B3GALT1: variants seen among roughly 807,000 people sequenced by gnomAD.
B3GALT1 encodes UDP-Gal:betaGlcNAc beta 1,3-galactosyltransferase, polypeptide 1.
Under a neutral mutation model 23.2 loss-of-function variants are expected in B3GALT1, and 10 were observed. That is an observed-to-expected ratio of 0.43 (90% CI 0.27 to 0.73). B3GALT1 has a LOEUF of 0.73. Ranked by LOEUF, B3GALT1 falls within the 30% of genes least tolerant of loss-of-function variation. The pLI, the probability that B3GALT1 is intolerant of heterozygous loss-of-function variation, is 0.21. For missense variants in B3GALT1, 299 were observed against 405.4 expected (o/e 0.74, Z 2.25); for synonymous variants, 156 against 141.5 (o/e 1.10, Z -0.73).
At chr2:167,462,969 T>C (rs1347990549) in intron 1 of B3GALT1, among the ~76,000 whole-genome samples, 1 of 152,110 alleles carries the variant, frequency 6.6e-6, no homozygotes, top group Non-Finnish European at 1.5e-5. Context: ...CTCAGAGTTT[T>C]TGAGATTGTT....
chr2:167,484,067 A>AAAG (rs1459261129), intron 1 of B3GALT1, among the ~76,000 whole-genome samples: 1 of 152,198 alleles, frequency 6.6e-6, no homozygotes, highest in Non-Finnish European at 1.5e-5. Context: ...TTCAGATATA[A>AAAG]ACATAAGCAA....
intron 2 of B3GALT1, among the ~76,000 whole-genome samples, chr2:167,630,604 T>C (rs111348727): frequency 2.5e-3 from 375 of 151,656 alleles, no homozygotes; most frequent in African/African-American, 8.6e-3. Context: ...TGTCATGATA[T>C]CTGCAGTTTA....
intron 2 of B3GALT1, among the ~76,000 whole-genome samples, chr2:167,516,391 T>C (rs186412314): frequency 1.6e-4 from 24 of 152,150 alleles, no homozygotes; most frequent in Admixed American, 1.5e-3. Context: ...TTTGCTTAAG[T>C]TTTTTATTTC....
intron 1 of B3GALT1, among the ~76,000 whole-genome samples, chr2:167,383,144 G>C (rs1023269225): frequency 3.3e-5 from 5 of 150,316 alleles, no homozygotes; most frequent in Admixed American, 6.6e-5. Context: ...TTTAAAGTTG[G>C]ATTTGATTCC....
At chr2:167,783,759 G>T (rs554169075) in intron 3 of B3GALT1, among the ~76,000 whole-genome samples, 1 of 152,124 alleles carries the variant, frequency 6.6e-6, no homozygotes. Flanking sequence ...AGCTAATCTC[G>T]GTTTCAAATG....
chr2:167,709,528 A>G (rs1033281302), intron 3 of B3GALT1, among the ~76,000 whole-genome samples: 1 of 152,196 alleles, frequency 6.6e-6, no homozygotes, highest in African/African-American at 2.4e-5. Context: ...TTGTTTGGGA[A>G]GATGTACTAA....
intron 1 of B3GALT1, among the ~76,000 whole-genome samples, chr2:167,399,579 T>C (rs1015268965): frequency 6.6e-6 from 1 of 152,114 alleles, no homozygotes; most frequent in Non-Finnish European, 1.5e-5. Context: ...TCCCAAGTTT[T>C]TTATTTTTGT....
Position 167,511,464 on chromosome 2 carries a change from T to C in B3GALT1, c.-410+21187T>C, listed in dbSNP as rs182280292. Among the ~76,000 whole-genome samples, 950 of 152,308 alleles carry C rather than the reference T, an allele frequency of 6.2e-3. 15 individuals are homozygous for C. Among genetic ancestry groups the C allele is most frequent in the African/African-American group, 0.022 (913 of 41,568 alleles). ...GATGTGTTTGCTTCCCTTTTCACCA[T>C]GATTGTAAGTTTCCTGAGGCCTCCT... On this transcript the variant is annotated intron_variant, in intron 2 of 4. Transcript: ENST00000392690.
intron 2 of B3GALT1, among the ~76,000 whole-genome samples, chr2:167,579,262 T>C (rs930198342): frequency 3.3e-5 from 5 of 152,010 alleles, no homozygotes; most frequent in African/African-American, 1.2e-4. Flanking sequence ...TCCTTTCCTC[T>C]TTTTAAATAA....
At chr2:167,728,262 C>T (rs543977994) in intron 3 of B3GALT1, among the ~76,000 whole-genome samples, 2 of 152,276 alleles carry the variant, frequency 1.3e-5, no homozygotes, top group African/African-American at 4.8e-5. Flanking sequence ...GTGGCACCAC[C>T]TGTAATTTCA....
At chr2:167,571,342 T>C (rs1170644314) in intron 2 of B3GALT1, among the ~76,000 whole-genome samples, 1 of 151,944 alleles carries the variant, frequency 6.6e-6, no homozygotes, top group African/African-American at 2.4e-5. Flanking sequence ...CTAGAATTCC[T>C]AGTTCACCTA....
chr2:167,416,449 C>A (rs1286145026), intron 1 of B3GALT1, among the ~76,000 whole-genome samples: 2 of 152,212 alleles, frequency 1.3e-5, no homozygotes, highest in Non-Finnish European at 2.9e-5. Context: ...ACCCAAATGT[C>A]AAAGGATGCT....
At chr2:167,300,751 C>T (rs1032864632) in intron 1 of B3GALT1, among the ~76,000 whole-genome samples, 2 of 152,088 alleles carry the variant, frequency 1.3e-5, no homozygotes, top group African/African-American at 4.8e-5. Flanking sequence ...ACACTGCATT[C>T]TAAAATATCA....
At chr2:167,297,462 A>G (rs1696369747) in intron 1 of B3GALT1, among the ~76,000 whole-genome samples, 1 of 151,932 alleles carries the variant, frequency 6.6e-6, no homozygotes, top group Non-Finnish European at 1.5e-5. Context: ...AAATAAAAAG[A>G]CTCATGATCT....
At position 167,507,462 on chromosome 2, in the gene B3GALT1, C is replaced by T. The variant is rs75503598; in HGVS notation, c.-410+17185C>T. Among the ~76,000 whole-genome samples, 1,196 of 139,542 alleles carry T rather than the reference C, an allele frequency of 8.6e-3. 41 individuals are homozygous for T. In the East Asian group the frequency reaches 0.12, roughly 14 times the overall value. 91.5% of individuals were successfully genotyped at this position (139,542 alleles called of 152,430 possible). On this transcript the variant is annotated intron_variant, in intron 2 of 4. Coordinates refer to ENST00000392690, the MANE Select transcript of B3GALT1 (RefSeq NM_020981.4). ...TGGAGGTTGCAGTGAACCAAGATCGCGCCACTGCACTCCAGCCTGGAGACA... is the reference window on the plus strand; with the variant it reads ...TGGAGGTTGCAGTGAACCAAGATCGTGCCACTGCACTCCAGCCTGGAGACA...
At chr2:167,538,810 A>G (rs908918168) in intron 2 of B3GALT1, among the ~76,000 whole-genome samples, 3 of 152,238 alleles carry the variant, frequency 2.0e-5, no homozygotes, top group Non-Finnish European at 2.9e-5. Flanking sequence ...ATTCTTTAAA[A>G]TACTTAACTG....
At chr2:167,394,757 G>T (rs925224989) in intron 1 of B3GALT1, among the ~76,000 whole-genome samples, 3 of 152,144 alleles carry the variant, frequency 2.0e-5, no homozygotes, top group African/African-American at 7.2e-5. Flanking sequence ...GAGACCAGAA[G>T]ACAAAATTGT....
At chr2:167,696,296 CAA>C (rs35575073) in intron 3 of B3GALT1, among the ~76,000 whole-genome samples, 386 of 91,800 alleles carry the variant, frequency 4.2e-3, no homozygotes, top group African/African-American at 0.015. Context: ...TGGTAAGAGG[CAA>C]AAAAAAAAAA....
chr2:167,682,453 G>A (rs1686549092), intron 3 of B3GALT1, among the ~76,000 whole-genome samples: 1 of 152,146 alleles, frequency 6.6e-6, no homozygotes, highest in African/African-American at 2.4e-5. Context: ...CTTCTGCACA[G>A]CTAACAGAGC....
Sources: allele counts gnomAD v4.1 joint callset (sites outside exome capture counted in the v4.1 genomes callset), GRCh38; gene constraint gnomAD v4.1.1; transcripts MANE v1.5; gene names NCBI Gene and HGNC (gene_info 2026-07-23, HGNC 2026-07-21).